UBE2J1: variants seen among roughly 807,000 people sequenced by gnomAD.
UBE2J1 encodes the protein ubiquitin-conjugating enzyme E2 J1.
UBE2J1 carries 17 observed loss-of-function variants against 42.1 expected under a neutral mutation model. The observed-to-expected ratio is 0.40, with a 90% CI of 0.28 to 0.61. UBE2J1 has a LOEUF of 0.61. UBE2J1 is among the 20% of genes least tolerant of loss of function. The probability of loss-of-function intolerance (pLI) is 0.38; values close to 1 mark genes in which losing one functional copy is unlikely to be tolerated. For synonymous variants in UBE2J1, 127 were observed against 137.2 expected, an observed-to-expected ratio of 0.93 and a Z score of 0.52; for missense variants, 291 against 389.4, an observed-to-expected ratio of 0.75 and a Z score of 2.13.
intron 1 of UBE2J1, among the ~76,000 whole-genome samples, chr6:89,348,415 T>TCTAGAA (rs1257715297): frequency 1.3e-5 from 2 of 152,194 alleles, no homozygotes; most frequent in African/African-American, 2.4e-5. Context: ...GGCCACTGCT[T>TCTAGAA]CCCATATATG....
intron 1 of UBE2J1, 118 bp downstream of exon 1, chr6:89,352,421 G>C: frequency 8.4e-7 from 1 of 1,194,292 alleles, no homozygotes; most frequent in Non-Finnish European, 1.2e-6. Context: ...CTCGCGTAGA[G>C]CGCGAAACCA....
chr6:89,334,551 A>G (rs1238046640), intron 6 of UBE2J1, among the ~76,000 whole-genome samples: 1 of 147,916 alleles, frequency 6.8e-6, no homozygotes, highest in Non-Finnish European at 1.5e-5. Flanking sequence ...GGCTCACCGC[A>G]ACCTCTGCCT....
chr6:89,338,348 G>T (rs190806598), intron 4 of UBE2J1, 38 bp from the exon 5 acceptor site: 25 of 1,585,902 alleles, frequency 1.6e-5, no homozygotes, highest in Admixed American at 1.0e-4. Context: ...AAATTGCTTT[G>T]TAAAAGCAAC....
At chr6:89,340,742 GTATTTATTTATT>G (rs138529944) in intron 3 of UBE2J1, among the ~76,000 whole-genome samples, 19 of 148,310 alleles carry the variant, frequency 1.3e-4, no homozygotes, top group African/African-American at 2.2e-4. Context: ...CATTAATTTG[GTATTTATTTATT>G]TATTTATTTA....
intron 6 of UBE2J1, among the ~76,000 whole-genome samples, chr6:89,334,711 G>A (rs1041527928): frequency 1.3e-5 from 2 of 151,964 alleles, no homozygotes; most frequent in African/African-American, 2.4e-5. Flanking sequence ...CAGGTGATCC[G>A]CCCGCCTTGG....
chr6:89,336,988 T>C (rs977825294), intron 5 of UBE2J1, among the ~76,000 whole-genome samples: 1 of 151,988 alleles, frequency 6.6e-6, no homozygotes, highest in Non-Finnish European at 1.5e-5. Flanking sequence ...TACAGGCACG[T>C]GCCACCACGC....
intron 3 of UBE2J1, among the ~76,000 whole-genome samples, chr6:89,342,100 C>T (rs1032865982): frequency 3.3e-5 from 5 of 152,150 alleles, no homozygotes; most frequent in Non-Finnish European, 7.3e-5. Context: ...TCCTAACAAC[C>T]ATGATATGAC....
chr6:89,343,940 A>C (rs1768309329), intron 1 of UBE2J1, among the ~76,000 whole-genome samples, 184 bp from the exon 2 acceptor site: 1 of 152,190 alleles, frequency 6.6e-6, no homozygotes, highest in South Asian at 2.1e-4. Flanking sequence ...GCTAGGCATT[A>C]ACACTTTAAA....
chr6:89,343,807 G>T, intron 1 of UBE2J1, 51 bp from the exon 2 acceptor site: 1 of 1,398,288 alleles, frequency 7.2e-7, no homozygotes, highest in Non-Finnish European at 9.8e-7. Context: ...TTTTCTGAAT[G>T]ATTAGCACAG....
At chr6:89,331,565 T>G (rs1467995405) in intron 7 of UBE2J1, among the ~76,000 whole-genome samples, 1 of 152,220 alleles carries the variant, frequency 6.6e-6, no homozygotes, top group African/African-American at 2.4e-5. Flanking sequence ...TAGAAGGCAC[T>G]AAGCCAGGCA....
At chr6:89,342,791 C>A (rs1768273472) in intron 2 of UBE2J1, among the ~76,000 whole-genome samples, 1 of 151,930 alleles carries the variant, frequency 6.6e-6, no homozygotes, top group Admixed American at 6.6e-5. Flanking sequence ...ATTATATAAT[C>A]AAAAAATTAC....
At position 89,338,452 on chromosome 6, in the gene UBE2J1, C is replaced by T. The variant is rs1404313968; in HGVS notation, c.322+7G>A. Reference sequence around the variant, plus strand: ...GAGATTTATATTCACTATAAATTAACACTTACTACTCCACGAAGGCTGCCA... The same window carrying T: ...GAGATTTATATTCACTATAAATTAATACTTACTACTCCACGAAGGCTGCCA... On this transcript the variant is annotated splice_region_variant and intron_variant, in intron 4 of 7. Transcript: ENST00000435041. 6.2e-7 allele frequency: 1 copy of T among 1,607,700 alleles called. No homozygotes were observed. The highest frequency in any genetic ancestry group is 1.7e-5 in the Admixed American group (1 of 59,574).
chr6:89,338,717 G>A (rs950056491), intron 3 of UBE2J1, among the ~76,000 whole-genome samples, 174 bp from the exon 4 acceptor site: 8 of 129,534 alleles, frequency 6.2e-5, no homozygotes, highest in Non-Finnish European at 1.1e-4. Flanking sequence ...CCAGGCTGGA[G>A]TGCAGTGGTG....
At chr6:89,340,388 C>T (rs1050289668) in intron 3 of UBE2J1, among the ~76,000 whole-genome samples, 2 of 152,140 alleles carry the variant, frequency 1.3e-5, no homozygotes, top group Non-Finnish European at 2.9e-5. Context: ...CATGCACCAG[C>T]CCCTCCCTCC....
chr6:89,352,594 C>A lies in UBE2J1; in HGVS notation c.-25G>T. 6.4e-7 allele frequency: 1 copy of A among 1,552,520 alleles called. No homozygotes were observed. On this transcript the variant is annotated 5_prime_UTR_variant, in exon 1 of 8. Coordinates refer to ENST00000435041, the MANE Select transcript of UBE2J1 (RefSeq NM_016021.3). ...TGGTGGGTCGCTGGCTTGGCTCCGG[C>A]CTCCCGGGCCGCTGCCACCTCCTCT... is the stretch of plus-strand genomic sequence containing the variant.
chr6:89,341,011 A>C (rs1395762997), intron 3 of UBE2J1, among the ~76,000 whole-genome samples: 1 of 151,194 alleles, frequency 6.6e-6, no homozygotes, highest in Non-Finnish European at 1.5e-5. Flanking sequence ...TCCTGACCTC[A>C]TGATCCACCC....
At chr6:89,345,271 C>T (rs1461880224) in intron 1 of UBE2J1, among the ~76,000 whole-genome samples, 1 of 152,148 alleles carries the variant, frequency 6.6e-6, no homozygotes, top group Non-Finnish European at 1.5e-5. Context: ...ATGTATATAA[C>T]CACAATGGTT....
intron 3 of UBE2J1, among the ~76,000 whole-genome samples, chr6:89,339,747 T>C (rs887201872): frequency 6.8e-6 from 1 of 146,880 alleles, no homozygotes; most frequent in African/African-American, 2.5e-5. Flanking sequence ...TGGTGACTCA[T>C]GTCTGTAATC....
At chr6:89,337,786 G>T (rs1408569233) in intron 5 of UBE2J1, among the ~76,000 whole-genome samples, 4 of 152,094 alleles carry the variant, frequency 2.6e-5, no homozygotes, top group Admixed American at 2.6e-4. Context: ...TTAAGCACTT[G>T]CTATGAGCTA....
Sources: allele counts gnomAD v4.1 joint callset (sites outside exome capture counted in the v4.1 genomes callset), GRCh38; gene constraint gnomAD v4.1.1; transcripts MANE v1.5; gene names NCBI Gene and HGNC (gene_info 2026-07-23, HGNC 2026-07-21).